NUP188: variants seen among roughly 807,000 people sequenced by gnomAD.
The protein encoded by NUP188 is nucleoporin 188.
NUP188 carries 97 observed loss-of-function variants against 223.0 expected under a neutral mutation model. The ratio of observed to expected loss-of-function variants is 0.43; its 90% confidence interval spans 0.37 to 0.51. The LOEUF (loss-of-function observed/expected upper bound fraction) is 0.51, where lower values mean the gene tolerates loss of function less well. Among genes scored for constraint, NUP188 ranks in the 20% least tolerant of loss-of-function variants. The probability of loss-of-function intolerance (pLI) is 0.00; values close to 1 mark genes in which losing one functional copy is unlikely to be tolerated. For synonymous variants in NUP188, 869 were observed against 828.0 expected (o/e 1.05, Z -0.85); for missense variants, 1,947 against 2,175.6 (o/e 0.89, Z 2.09).
Position 128,952,786 on chromosome 9 carries a change from C to G in NUP188, c.101C>G (p.Ala34Gly), listed in dbSNP as rs763220109. The G allele has an allele frequency of 1.2e-6, 2 of 1,612,886 alleles. No homozygotes were observed. Among genetic ancestry groups the G allele is most frequent in the Non-Finnish European group, 1.7e-6 (2 of 1,179,390 alleles). ...GTTCTTTTCCAGAGTCAGATTGAGG[C>G]AGAACTGAATAAACATTGGCGGCGA... ...SALRELSQIE[A>G]ELNKHWRRLL... The change falls in exon 3 of 44, where the codon GCA becomes GGA. Residue 34 changes from alanine (A) to glycine (G), a missense_variant. By Grantham distance (60) the Ala-to-Gly change is moderately conservative (BLOSUM62 0). This residue lies in a region of NUP188 where 817 missense variants were observed against 865.8 expected (regional missense o/e 0.94). Coordinates refer to ENST00000372577, the MANE Select transcript of NUP188 (RefSeq NM_015354.3).
intron 31 of NUP188, 36 bp from the exon 32 acceptor site, chr9:128,998,502 C>G (rs761925119): frequency 6.3e-7 from 1 of 1,574,926 alleles, no homozygotes; most frequent in Non-Finnish European, 8.7e-7. Flanking sequence ...GCGAATCTTT[C>G]CACTGACTTC....
At chr9:128,980,830 A>C in intron 14 of NUP188, 105 bp downstream of exon 14, 1 of 1,210,596 alleles carries the variant, frequency 8.3e-7, no homozygotes, top group South Asian at 1.5e-5. Flanking sequence ...GCCATGACAA[A>C]AGTTTGTCTG....
At chr9:128,958,935 C>T in intron 7 of NUP188, 41 bp downstream of exon 7, 1 of 1,421,878 alleles carries the variant, frequency 7.0e-7, no homozygotes, top group Admixed American at 2.1e-5. Context: ...TATACTGTAT[C>T]ATCTTAATAA....
intron 12 of NUP188, among the ~76,000 whole-genome samples, chr9:128,976,838 AG>A (rs1842182740): frequency 6.6e-6 from 1 of 152,116 alleles, no homozygotes; most frequent in South Asian, 2.1e-4. Context: ...GCACTTTCCG[AG>A]GCCAAGGTGG....
intron 22 of NUP188, 108 bp downstream of exon 22, chr9:128,986,983 C>A: frequency 1.1e-6 from 1 of 893,372 alleles, no homozygotes; most frequent in Non-Finnish European, 1.8e-6. Context: ...TGCTTGAGCC[C>A]AGAACTCAGT....
intron 25 of NUP188, among the ~76,000 whole-genome samples, chr9:128,991,694 T>G (rs1024128922): frequency 4.1e-5 from 6 of 147,482 alleles, no homozygotes; most frequent in African/African-American, 1.5e-4. Flanking sequence ...TACAAAAAAA[T>G]TAGCCGGGTG....
At chr9:128,980,107 G>C (rs1435618985) in intron 13 of NUP188, among the ~76,000 whole-genome samples, 3 of 152,212 alleles carry the variant, frequency 2.0e-5, no homozygotes, top group Non-Finnish European at 2.9e-5. Flanking sequence ...ACCAGTACTT[G>C]CTCTGAGCAT....
chr9:128,948,414 C>T (rs760357740), intron 1 of NUP188: 2 of 152,216 alleles, frequency 1.3e-5, no homozygotes, highest in Non-Finnish European at 2.9e-5. Context: ...TGACAAAGTG[C>T]TTTCTAGCGT....
In NUP188 at chr9:128,986,637, A is replaced by C. The variant is rs1489130352; in HGVS notation, c.2156A>C (p.His719Pro). ...FVLKEMLPSY[H>P]KWRYNSHGVR... ...CTGAAGGAGATGCTTCCCAGCTACC[A>C]TAAGTGGCGCTACAACTCTCATGGA... Residue 719 changes from histidine (H) to proline (P), a missense_variant, in exon 21 of 44, where the codon CAT becomes CCT. Coordinates refer to ENST00000372577, the MANE Select transcript of NUP188 (RefSeq NM_015354.3). The C allele has an allele frequency of 1.9e-6, 3 of 1,614,114 alleles. No individual in the cohort carries two copies. In the South Asian group the frequency reaches 3.3e-5, roughly 18 times the overall value.
At chr9:128,990,402 C>T (rs1431770276) in intron 25 of NUP188, among the ~76,000 whole-genome samples, 176 bp downstream of exon 25, 1 of 151,752 alleles carries the variant, frequency 6.6e-6, no homozygotes, top group Non-Finnish European at 1.5e-5. Context: ...CCAGCCTGGG[C>T]CACATAGTGA....
chr9:129,004,960 G>A (rs1842751324), intron 38 of NUP188, 187 bp from the exon 39 acceptor site: 3 of 602,238 alleles, frequency 5.0e-6, no homozygotes. Context: ...GAGCATGAGG[G>A]AAGGAGGGAG....
At chr9:128,955,281 T>C (rs1841853252) in intron 3 of NUP188, among the ~76,000 whole-genome samples, 1 of 152,244 alleles carries the variant, frequency 6.6e-6, no homozygotes, top group Non-Finnish European at 1.5e-5. Context: ...TACTTTTTTC[T>C]CTTTTCCTAT....
chr9:128,960,914 G>A (rs17481219), intron 8 of NUP188, among the ~76,000 whole-genome samples: 289 of 151,914 alleles, frequency 1.9e-3, no homozygotes, highest in African/African-American at 6.6e-3. Context: ...GTGAAACCTC[G>A]TCTCTACTAA....
intron 10 of NUP188, among the ~76,000 whole-genome samples, 194 bp from the exon 11 acceptor site, chr9:128,970,564 G>A (rs1427636712): frequency 6.6e-6 from 1 of 152,162 alleles, no homozygotes; most frequent in Non-Finnish European, 1.5e-5. Context: ...GACAAATTTT[G>A]TGGGTAAAGG....
intron 12 of NUP188, among the ~76,000 whole-genome samples, chr9:128,976,747 T>C (rs1842181117): frequency 6.6e-6 from 1 of 151,878 alleles, no homozygotes; most frequent in African/African-American, 2.4e-5. Flanking sequence ...GAATTCTGGT[T>C]ACTTTTGACC....
intron 23 of NUP188, 119 bp downstream of exon 23, chr9:128,987,836 C>T: frequency 7.2e-7 from 1 of 1,383,450 alleles, no homozygotes; most frequent in South Asian, 1.3e-5. Flanking sequence ...CTTCCTAGGA[C>T]ATAGCCTTTA....
chr9:129,006,486 A>C lies in NUP188; in HGVS notation c.5074-16A>C, dbSNP rs1842810775. The C allele has an allele frequency of 6.2e-7, 1 of 1,611,704 alleles. No individual in the cohort carries two copies. Among genetic ancestry groups the C allele is most frequent in the African/African-American group, 1.3e-5 (1 of 74,738 alleles). On this transcript the variant is annotated splice_polypyrimidine_tract_variant and intron_variant, in intron 43 of 43. Transcript: ENST00000372577. ...CAGATGTGCTGAGCCTCACCAAGCC[A>C]CTTTTTTTCTTGTAGAGCACGCTGC...
intron 37 of NUP188, 56 bp from the exon 38 acceptor site, chr9:129,003,261 G>GT (rs1842707647): frequency 6.4e-7 from 1 of 1,568,016 alleles, no homozygotes; most frequent in Admixed American, 2.0e-5. Context: ...GTAGGTGTGG[G>GT]TATGTCAGGT....
At chr9:128,963,863 G>T (rs1841990779) in intron 8 of NUP188, among the ~76,000 whole-genome samples, 1 of 150,626 alleles carries the variant, frequency 6.6e-6, no homozygotes, top group Non-Finnish European at 1.5e-5. Flanking sequence ...GTCGCCCAGG[G>T]TGGAGTGCAG....
Sources: allele counts gnomAD v4.1 joint callset (sites outside exome capture counted in the v4.1 genomes callset), GRCh38; gene constraint gnomAD v4.1.1; regional missense constraint gnomAD v4.1.1; transcripts MANE v1.5; gene names NCBI Gene and HGNC (gene_info 2026-07-23, HGNC 2026-07-21).